Variants in CDH3 observed in about 807,000 individuals in gnomAD.
The protein encoded by CDH3 is cadherin-3.
Under a neutral mutation model 82.0 loss-of-function variants are expected in CDH3, and 54 were observed. The observed-to-expected ratio is 0.66, with a 90% CI of 0.53 to 0.83. The LOEUF is 0.83. Among genes scored for constraint, CDH3 ranks in the 40% least tolerant of loss-of-function variants. The probability of loss-of-function intolerance (pLI) is 0.00; values close to 1 mark genes in which losing one functional copy is unlikely to be tolerated. For synonymous variants in CDH3, 446 were observed against 437.9 expected, an observed-to-expected ratio of 1.02 and a Z score of -0.23; for missense variants, 1,054 against 1,084.6, an observed-to-expected ratio of 0.97 and a Z score of 0.40.
chr16:68,678,366 G>C (rs1307422936), intron 4 of CDH3, 89 bp downstream of exon 4: 1 of 1,590,920 alleles, frequency 6.3e-7, no homozygotes, highest in African/African-American at 1.3e-5. Context: ...ACTGAATGTG[G>C]GGGCTGAGAC....
intron 1 of CDH3, among the ~76,000 whole-genome samples, chr16:68,714,549 G>C (rs773034424): frequency 6.6e-6 from 1 of 152,126 alleles, no homozygotes; most frequent in Non-Finnish European, 1.5e-5. Context: ...CTTAGCATCT[G>C]TATGAATACA....
At chr16:68,647,559 A>T (rs1394067180) in intron 2 of CDH3, among the ~76,000 whole-genome samples, 1 of 152,116 alleles carries the variant, frequency 6.6e-6, no homozygotes, top group Non-Finnish European at 1.5e-5. Context: ...CCTGGGTTAT[A>T]CAACAAAGGA....
intron 13 of CDH3, among the ~76,000 whole-genome samples, chr16:68,694,653 A>G (rs1961663050): frequency 6.6e-6 from 1 of 151,690 alleles, no homozygotes; most frequent in South Asian, 2.1e-4. Context: ...CCAACACTGC[A>G]TTCCACGTAA....
chr16:68,687,740 C>T lies in CDH3; in HGVS notation c.1795+4C>T, dbSNP rs758916205. On this transcript the variant is annotated splice_donor_region_variant and intron_variant, in intron 12 of 15. Coordinates refer to ENST00000264012, the MANE Select transcript of CDH3 (RefSeq NM_001793.6). The stretch of plus-strand genomic sequence containing the variant: ...ACGGCAGAGGTCAACGAGGAAGGTA[C>T]CTGAGTGAGTGGTGGTAGCGGGTGG... 3 of 1,608,988 alleles carry T rather than the reference C, an allele frequency of 1.9e-6. No homozygotes were observed. Among genetic ancestry groups the T allele is most frequent in the Non-Finnish European group, 1.7e-6 (2 of 1,175,598 alleles).
At chr16:68,669,442 A>G (rs1960826233) in intron 2 of CDH3, among the ~76,000 whole-genome samples, 3 of 152,130 alleles carry the variant, frequency 2.0e-5, no homozygotes, top group Admixed American at 6.6e-5. Context: ...TTGATTATTG[A>G]CACTGTCCCT....
At chr16:68,732,040 G>A (rs1386154997), downstream of CDH3, among the ~76,000 whole-genome samples, 1 of 142,622 alleles carries the variant, frequency 7.0e-6, no homozygotes. Flanking sequence ...CTTTGTGTTT[G>A]AAATAAAACT....
chr16:68,654,952 C>A (rs1242074721), intron 2 of CDH3, among the ~76,000 whole-genome samples: 1 of 151,974 alleles, frequency 6.6e-6, no homozygotes, highest in Non-Finnish European at 1.5e-5. Flanking sequence ...AGGAGAATTG[C>A]TTGAGCCTGG....
At chr16:68,651,142 TTGGAATTGTATATC>T in intron 2 of CDH3, 1 of 459,074 alleles carries the variant, frequency 2.2e-6, no homozygotes, top group South Asian at 1.7e-5. Flanking sequence ...TGGGCAGTAG[TTGGAATTGTATATC>T]TGCCGGCCCA....
Position 68,698,176 on chromosome 16 carries a change from T to G in CDH3, c.2281-15T>G. ...GGACCCGCCGCTCCTAACTACCTGT[T>G]CTCTGTTGCCGCAGAACCTGAAGGC... On this transcript the variant is annotated splice_polypyrimidine_tract_variant and intron_variant, in intron 15 of 15. Coordinates refer to ENST00000264012, the MANE Select transcript of CDH3 (RefSeq NM_001793.6). 6.2e-7 allele frequency: 1 copy of G among 1,613,972 alleles called. No individual in the cohort carries two copies. The highest frequency in any genetic ancestry group is 1.6e-4 in the Middle Eastern group (1 of 6,062).
chr16:68,703,547 C>T (rs1033844619), downstream of CDH3, among the ~76,000 whole-genome samples: 11 of 152,216 alleles, frequency 7.2e-5, no homozygotes, highest in Non-Finnish European at 1.3e-4. Context: ...TCTGGCCTCC[C>T]GTTAAAACAA....
chr16:68,688,643 T>C (rs1269755455), intron 12 of CDH3, among the ~76,000 whole-genome samples: 1 of 141,554 alleles, frequency 7.1e-6, no homozygotes, highest in Non-Finnish European at 1.6e-5. Context: ...TGTTTTTGTT[T>C]TGAGACGGAG....
chr16:68,695,633 C>A, intron 14 of CDH3, 144 bp from the exon 15 acceptor site: 1 of 1,061,664 alleles, frequency 9.4e-7, no homozygotes, highest in Non-Finnish European at 1.4e-6. Flanking sequence ...GAGGGTTTTC[C>A]AAAATCTGTG....
chr16:68,682,355 G>C lies in CDH3; in HGVS notation c.1050G>C (p.Thr350=). ...TGGGCCATGAGGTGCAGAGGCTGAC[G>C]GTCACTGATCTGGACGCCCCCAACT... ...NAVGHEVQRL[T]VTDLDAPNSP... The change falls in exon 9 of 16, where the codon ACG becomes ACC. Residue 350 remains threonine, a synonymous_variant. Transcript: ENST00000264012. The C allele has an allele frequency of 6.2e-7, 1 of 1,613,988 alleles. No individual in the cohort carries two copies. Among genetic ancestry groups the C allele is most frequent in the Non-Finnish European group, 8.5e-7 (1 of 1,180,018 alleles).
intron 2 of CDH3, 103 bp downstream of exon 2, chr16:68,645,853 C>G: frequency 1.2e-6 from 1 of 856,434 alleles, no homozygotes; most frequent in Non-Finnish European, 1.8e-6. Context: ...CTCCTGGCGC[C>G]ACCTCAGTTC....
At chr16:68,712,083 G>T (rs1962039108) in intron 1 of CDH3, among the ~76,000 whole-genome samples, 1 of 131,902 alleles carries the variant, frequency 7.6e-6, no homozygotes. Context: ...TGTCACCCAG[G>T]CTGACGTGCA....
At chr16:68,652,735 A>G (rs1960283740) in intron 2 of CDH3, among the ~76,000 whole-genome samples, 2 of 152,170 alleles carry the variant, frequency 1.3e-5, no homozygotes, top group South Asian at 4.1e-4. Flanking sequence ...ACCTTCTCTC[A>G]AGATAACCAC....
intron 2 of CDH3, among the ~76,000 whole-genome samples, chr16:68,673,494 A>G (rs535348373): frequency 2.2e-4 from 33 of 151,304 alleles, no homozygotes; most frequent in Non-Finnish European, 4.3e-4. Context: ...TTCTTAGAGA[A>G]AAGGGTCTTG....
intron 2 of CDH3, among the ~76,000 whole-genome samples, chr16:68,675,931 T>C (rs1045877561): frequency 6.6e-6 from 1 of 152,082 alleles, no homozygotes; most frequent in Non-Finnish European, 1.5e-5. Flanking sequence ...TAGCCAAGCA[T>C]TGGGGATTCA....
intron 1 of CDH3, among the ~76,000 whole-genome samples, chr16:68,720,282 A>T (rs1024473275): frequency 2.6e-5 from 4 of 151,972 alleles, no homozygotes; most frequent in African/African-American, 9.7e-5. Flanking sequence ...AAAAAAGAGA[A>T]AGAAAGAGAG....
Sources: gnomAD v4.1 joint callset for allele counts (sites outside exome capture counted in the v4.1 genomes callset) on GRCh38, gnomAD v4.1.1 for gene constraint, MANE v1.5 for transcripts, NCBI Gene and HGNC (gene_info 2026-07-23, HGNC 2026-07-21) for gene names.